GALK2: variants seen among roughly 807,000 people sequenced by gnomAD.
GALK2 encodes the protein galactokinase 2, also known as N-acetylgalactosamine kinase.
Under a neutral mutation model 52.4 loss-of-function variants are expected in GALK2, and 36 were observed. The observed-to-expected ratio is 0.69, with a 90% CI of 0.53 to 0.91. The LOEUF is 0.91. Ranked by LOEUF, GALK2 falls within the 40% of genes least tolerant of loss-of-function variation. GALK2 has a pLI of 0.00. For synonymous variants in GALK2, 176 were observed against 199.1 expected, an observed-to-expected ratio of 0.88 and a Z score of 0.98; for missense variants, 579 against 559.1, an observed-to-expected ratio of 1.04 and a Z score of -0.36.
chr15:49,261,692 T>G (rs1475529717), intron 5 of GALK2, among the ~76,000 whole-genome samples: 1 of 151,972 alleles, frequency 6.6e-6, no homozygotes, highest in East Asian at 1.9e-4. Context: ...CAGTATGATA[T>G]TGGCTGTGGG....
At chr15:49,171,243 C>T (rs1017117539) in intron 1 of GALK2, among the ~76,000 whole-genome samples, 5 of 151,836 alleles carry the variant, frequency 3.3e-5, no homozygotes, top group African/African-American at 7.3e-5. Flanking sequence ...TCACCACACC[C>T]GGCTAATTTT....
intron 8 of GALK2, among the ~76,000 whole-genome samples, chr15:49,306,267 A>C (rs999646888): frequency 1.3e-5 from 2 of 152,002 alleles, no homozygotes; most frequent in African/African-American, 4.8e-5. Flanking sequence ...ACTTGCTTAA[A>C]CTGTTGACGT....
chr15:49,256,239 C>T (rs965062289), intron 5 of GALK2, among the ~76,000 whole-genome samples: 3 of 152,046 alleles, frequency 2.0e-5, no homozygotes, highest in Admixed American at 2.0e-4. Flanking sequence ...CTCTAGAGCT[C>T]TGTGTTAGAT....
intron 1 of GALK2, among the ~76,000 whole-genome samples, chr15:49,193,211 T>A (rs910324833): frequency 1.3e-5 from 2 of 152,100 alleles, no homozygotes; most frequent in African/African-American, 4.8e-5. Flanking sequence ...TTAGCCAGGC[T>A]GGTCTCGAAC....
At chr15:49,316,661 A>T (rs1298554379) in intron 8 of GALK2, among the ~76,000 whole-genome samples, 3 of 152,212 alleles carry the variant, frequency 2.0e-5, no homozygotes, top group African/African-American at 7.2e-5. Flanking sequence ...GCAAAAAAAA[A>T]ATTATTGGCT....
intron 1 of GALK2, among the ~76,000 whole-genome samples, chr15:49,192,052 C>G (rs1311428262): frequency 2.6e-5 from 4 of 152,070 alleles, no homozygotes; most frequent in African/African-American, 9.7e-5. Flanking sequence ...ATGGGAACCT[C>G]TTCAGGTGGG....
chr15:49,353,811 A>AT (rs2042623180), intron 3 of GALK2: 1 of 152,144 alleles, frequency 6.6e-6, no homozygotes, highest in African/African-American at 2.4e-5. Context: ...ATTTCAGCTA[A>AT]TTTATCCTTT....
At chr15:49,217,385 C>A in intron 3 of GALK2, 72 bp downstream of exon 3, 1 of 1,390,312 alleles carries the variant, frequency 7.2e-7, no homozygotes, top group Non-Finnish European at 9.7e-7. Context: ...CTTTAGGAGA[C>A]ATCAAATTTG....
intron 1 of GALK2, among the ~76,000 whole-genome samples, chr15:49,171,082 CTTTTTTTTT>C (rs201895577): frequency 7.7e-6 from 1 of 129,918 alleles, no homozygotes; most frequent in Admixed American, 7.8e-5. Flanking sequence ...TTTTCTTTTT[CTTTTTTTTT>C]TTTTTTTTGA....
chr15:49,278,480 T>A (rs781200844), intron 5 of GALK2, among the ~76,000 whole-genome samples: 6 of 152,250 alleles, frequency 3.9e-5, no homozygotes, highest in Admixed American at 1.3e-4. Flanking sequence ...GTAAATCAGA[T>A]GATTCCTTAT....
At chr15:49,229,640 G>A (rs931332054) in intron 3 of GALK2, among the ~76,000 whole-genome samples, 2 of 152,156 alleles carry the variant, frequency 1.3e-5, no homozygotes, top group Non-Finnish European at 2.9e-5. Context: ...GGCAGGGCGG[G>A]CCTATCCTCA....
Position 49,328,546 on chromosome 15 carries a change from T to G in GALK2, c.*387T>G. ...CTGAATTGTATGCATTATTCTTGAA[T>G]AGAGTTCATTTCTGGTTTCTCTTAG... On this transcript the variant is annotated 3_prime_UTR_variant, in exon 10 of 10. Coordinates refer to ENST00000560031, the MANE Select transcript of GALK2 (RefSeq NM_002044.4). 1 of 1,607,302 alleles carries G rather than the reference T, an allele frequency of 6.2e-7. No individual in the cohort carries two copies. Among genetic ancestry groups the G allele is most frequent in the Non-Finnish European group, 8.5e-7 (1 of 1,175,788 alleles).
chr15:49,325,023 T>C (rs112839373), intron 9 of GALK2, among the ~76,000 whole-genome samples: 4,711 of 152,254 alleles, frequency 0.031, 145 homozygotes, highest in African/African-American at 0.07. Context: ...TGTAGTGCAG[T>C]TGGGTCTCCT....
intron 3 of GALK2, among the ~76,000 whole-genome samples, chr15:49,352,591 G>A (rs1409775153): frequency 6.6e-6 from 1 of 152,072 alleles, no homozygotes; most frequent in Non-Finnish European, 1.5e-5. Context: ...TTCCTATTCT[G>A]TGTTATGCAT....
rs866579709 is a variant in GALK2, at chr15:49,264,332, A to G, written c.505-17655A>G. ...CATTTCATTCATTTCATCTTCCATC[A>G]CTGATACCCTTTCTTCCAGTTGATC... On this transcript the variant is annotated intron_variant, in intron 5 of 9. Coordinates refer to ENST00000560031, the MANE Select transcript of GALK2 (RefSeq NM_002044.4). Among the ~76,000 whole-genome samples the G allele has an allele frequency of 7.9e-5, 12 of 151,720 alleles. No homozygotes were observed. The South Asian group carries it at 1.5e-3, about 19-fold the overall frequency.
intron 5 of GALK2, among the ~76,000 whole-genome samples, chr15:49,244,986 G>A (rs1313561871): frequency 6.6e-6 from 1 of 152,024 alleles, no homozygotes; most frequent in Non-Finnish European, 1.5e-5. Context: ...GAAGAAATGG[G>A]GCAATTATTA....
chr15:49,216,212 G>A (rs2089361801), intron 2 of GALK2, among the ~76,000 whole-genome samples: 1 of 152,232 alleles, frequency 6.6e-6, no homozygotes. Flanking sequence ...CCTGGTTACT[G>A]CTGATGTTTA....
intron 3 of GALK2, among the ~76,000 whole-genome samples, chr15:49,357,690 A>G (rs1253734400): frequency 6.6e-6 from 1 of 151,922 alleles, no homozygotes; most frequent in African/African-American, 2.4e-5. Flanking sequence ...TCCTTCTGAA[A>G]CTATTCCAAT....
At chr15:49,269,854 A>G (rs1183804417) in intron 5 of GALK2, among the ~76,000 whole-genome samples, 4 of 152,218 alleles carry the variant, frequency 2.6e-5, no homozygotes, top group Non-Finnish European at 5.9e-5. Flanking sequence ...ATCAAACTCT[A>G]TCCTTTCTAT....
Sources: gnomAD v4.1 joint callset for allele counts (sites outside exome capture counted in the v4.1 genomes callset) on GRCh38, gnomAD v4.1.1 for gene constraint, MANE v1.5 for transcripts, NCBI Gene and HGNC (gene_info 2026-07-23, HGNC 2026-07-21) for gene names.